The following MAP7D3 variants were observed in gnomAD, a reference collection of about 807,000 sequenced individuals.
MAP7D3 encodes the protein MAP7 domain-containing protein 3.
Under a neutral mutation model 62.2 loss-of-function variants are expected in MAP7D3, and 45 were observed. That is an observed-to-expected ratio of 0.72 (90% CI 0.57 to 0.93). The LOEUF (loss-of-function observed/expected upper bound fraction) is 0.93. Ranked by LOEUF, MAP7D3 falls within the 40% of genes least tolerant of loss-of-function variation. MAP7D3 has a pLI of 0.00. For missense variants in MAP7D3, 711 were observed against 683.1 expected (o/e 1.04, Z -0.45); for synonymous variants, 288 against 248.8 (o/e 1.16, Z -1.48).
chrX:136,227,374 G>T lies in MAP7D3; in HGVS notation c.1944C>A (p.Asp648Glu). ...AKEAVGGQAE[D>E]HLKLKDGQQQ... ...GCTGCCCATCTTTGAGTTTCAAGTG[G>T]TCTTCTGCTTGGCCTCCAACTGCTT... is the stretch of plus-strand genomic sequence containing the variant. Residue 648 changes from aspartate to glutamate, a missense_variant, in exon 12 of 19, where the codon GAC becomes GAA. By Grantham distance (45) the Asp-to-Glu change is conservative. Transcript: ENST00000316077. 8.3e-7 allele frequency: 1 copy of T among 1,198,396 alleles called. No homozygotes were observed. Among genetic ancestry groups the T allele is most frequent in the Non-Finnish European group, 1.1e-6 (1 of 886,262 alleles).
chrX:136,231,437 TGTAA>T, intron 8 of MAP7D3, 103 bp downstream of exon 8: 1 of 636,403 alleles, frequency 1.6e-6, no homozygotes, highest in South Asian at 3.1e-5. Context: ...TGCAGAATAT[TGTAA>T]ATAATATGCT....
At chrX:136,256,461 C>T in exon 1 of MAP7D3, 1 of 558,088 alleles carries the variant, frequency 1.8e-6, no homozygotes, top group East Asian at 3.9e-5. Flanking sequence ...TTTCAACAGG[C>T]TGCTCTGTAC....
chrX:136,239,203 G>A (rs2074361637), intron 6 of MAP7D3, among the ~76,000 whole-genome samples: 1 of 111,753 alleles, frequency 8.9e-6, no homozygotes, highest in Non-Finnish European at 1.9e-5. Flanking sequence ...GAGGCACCAT[G>A]TGCTACAAGC....
chrX:136,228,932 C>T (rs1431766265), intron 10 of MAP7D3, 174 bp from the exon 11 acceptor site: 4 of 295,926 alleles, frequency 1.4e-5, no homozygotes, highest in Non-Finnish European at 2.3e-5. Flanking sequence ...AAACTGCACC[C>T]CCAACAACAG....
chrX:136,254,016 A>G (rs778499166), upstream of MAP7D3, among the ~76,000 whole-genome samples: 340 of 110,357 alleles, frequency 3.1e-3, no homozygotes, highest in African/African-American at 9.3e-3. Flanking sequence ...CACGAACACA[A>G]AAAAAGACAT....
At position 136,246,324 on chromosome X, in the gene MAP7D3, T is replaced by A. The variant is rs2074448573; in HGVS notation, c.88A>T (p.Ile30Phe). Residue 30 changes from isoleucine (I) to phenylalanine (F), a missense_variant, in exon 2 of 19, where the codon ATT becomes TTT. Transcript: ENST00000316077. ...RARMVAAANE[I>F]AKERRKQDVV... is the part of the protein sequence containing the mutation. ...TCTTGCTTCCTCCTTTCCTTAGCAA[T>A]CTCGTTTGCTGCAGCAACTAAAATA... The A allele has an allele frequency of 8.4e-7, 1 of 1,187,030 alleles. No individual in the cohort carries two copies. Among genetic ancestry groups the A allele is most frequent in the African/African-American group, 1.8e-5 (1 of 56,669 alleles).
intron 5 of MAP7D3, 60 bp from the exon 6 acceptor site, chrX:136,240,546 GA>G (rs1008352000): frequency 3.0e-4 from 226 of 760,223 alleles, no homozygotes; most frequent in African/African-American, 9.3e-4. Flanking sequence ...ATCATTAACT[GA>G]AAAAAAAATG....
At chrX:136,213,481 C>CT (rs1345129979), downstream of MAP7D3, 2 of 111,073 alleles carry the variant, frequency 1.8e-5, no homozygotes, top group Non-Finnish European at 3.8e-5. Flanking sequence ...GTTAACCTCT[C>CT]TGAGCTTGAT....
chrX:136,233,514 T>C (rs2074295160), intron 7 of MAP7D3, among the ~76,000 whole-genome samples: 1 of 108,153 alleles, frequency 9.2e-6, no homozygotes, highest in Admixed American at 1.0e-4. Context: ...CCTCAAGTGA[T>C]CCACCTGCCT....
chrX:136,250,915 C>G (rs1471949373), intron 1 of MAP7D3, among the ~76,000 whole-genome samples: 1 of 111,643 alleles, frequency 9.0e-6, no homozygotes, highest in Admixed American at 9.3e-5. Flanking sequence ...CCACCGCCCC[C>G]CAAGGGCAGA....
At chrX:136,239,097 C>G (rs932084871) in intron 6 of MAP7D3, among the ~76,000 whole-genome samples, 4 of 111,833 alleles carry the variant, frequency 3.6e-5, no homozygotes, top group Non-Finnish European at 7.5e-5. Flanking sequence ...GCTCTTTTTC[C>G]TCTCAAGAAC....
intron 5 of MAP7D3, among the ~76,000 whole-genome samples, chrX:136,240,776 A>G (rs1315326462): frequency 8.9e-6 from 1 of 112,039 alleles, no homozygotes; most frequent in East Asian, 2.8e-4. Flanking sequence ...TCTAAACTAC[A>G]TAAATTTTAC....
intron 7 of MAP7D3, among the ~76,000 whole-genome samples, chrX:136,235,134 G>C (rs1255522956): frequency 8.9e-6 from 1 of 112,330 alleles, no homozygotes; most frequent in Non-Finnish European, 1.9e-5. Context: ...TCACACTTGA[G>C]GAAAAAAGTT....
Position 136,236,358 on chromosome X carries a change from A to G in MAP7D3, c.641-19T>C. The G allele has an allele frequency of 2.0e-6, 2 of 985,925 alleles. No homozygotes were observed. Among genetic ancestry groups the G allele is most frequent in the East Asian group, 6.2e-5 (2 of 32,202 alleles). 81.3% of individuals were successfully genotyped at this position (985,925 alleles called of 1,213,427 possible). A position where few individuals can be genotyped will look rare whatever the true frequency, so the allele number is the denominator to read the frequency against. On this transcript the variant is annotated intron_variant, in intron 6 of 18. Transcript: ENST00000316077. ...GTTTTCCCTAGAGAGCAAGTACAAA[A>G]GGAATATTAGTTTTCATAAACTACT... is the stretch of plus-strand genomic sequence containing the variant.
intron 6 of MAP7D3, 27 bp from the exon 7 acceptor site, chrX:136,236,366 T>G (rs758793261): frequency 2.1e-6 from 2 of 931,481 alleles, no homozygotes; most frequent in South Asian, 2.2e-5. Flanking sequence ...AAAGGAATAT[T>G]AGTTTTCATA....
intron 6 of MAP7D3, among the ~76,000 whole-genome samples, chrX:136,238,596 AT>A (rs971081445): frequency 8.9e-6 from 1 of 111,758 alleles, no homozygotes; most frequent in Non-Finnish European, 1.9e-5. Context: ...CCCAGACTAT[AT>A]ATAAAAGTGC....
intron 9 of MAP7D3, 119 bp downstream of exon 9, chrX:136,230,720 C>CT: frequency 1.1e-6 from 1 of 928,477 alleles, no homozygotes. Flanking sequence ...TTTTTACAGG[C>CT]TTTTTTCCCT....
At chrX:136,237,269 T>C in intron 6 of MAP7D3, among the ~76,000 whole-genome samples, 1 of 112,444 alleles carries the variant, frequency 8.9e-6, no homozygotes, top group Non-Finnish European at 1.9e-5. Context: ...ACAGAGGTGG[T>C]TAGATCATGT....
intron 1 of MAP7D3, among the ~76,000 whole-genome samples, chrX:136,250,832 G>A (rs1569532468): frequency 9.0e-6 from 1 of 111,652 alleles, no homozygotes; most frequent in Admixed American, 9.3e-5. Flanking sequence ...AGGCGGCGCC[G>A]GCGCGCGGAG....
Sources: allele counts gnomAD v4.1 joint callset (sites outside exome capture counted in the v4.1 genomes callset), GRCh38; gene constraint gnomAD v4.1.1; transcripts MANE v1.5; gene names NCBI Gene and HGNC (gene_info 2026-07-23, HGNC 2026-07-21).